The following ATP5F1A variants were observed in gnomAD, a reference collection of about 807,000 sequenced individuals.
The protein encoded by ATP5F1A is ATP synthase F1 subunit alpha.
Under a neutral mutation model 57.4 loss-of-function variants are expected in ATP5F1A, and 24 were observed. The observed-to-expected ratio is 0.42, with a 90% confidence interval of 0.30 to 0.59. The LOEUF (loss-of-function observed/expected upper bound fraction) is 0.59. Among genes scored for constraint, ATP5F1A ranks in the 20% least tolerant of loss-of-function variants. The pLI is 0.19. For synonymous variants in ATP5F1A, 251 were observed against 255.5 expected (o/e 0.98, Z 0.17); for missense variants, 494 against 707.9 (o/e 0.70, Z 3.43).
In ATP5F1A at chr18:46,080,768, T is replaced by A. The variant is rs923326576; in HGVS notation, c.*3514A>T. ...GGCGTAAGCCACTGCGCCTGGGCTA[T>A]CATATTCTTTAAAAATATCACATAT... On this transcript the variant is annotated 3_prime_UTR_variant, in exon 12 of 12. Transcript: ENST00000398752. 9 of 151,928 alleles carry A rather than the reference T, an allele frequency of 5.9e-5. No homozygotes were observed. The highest frequency in any genetic ancestry group is 2.2e-4 in the African/African-American group (9 of 41,380). 9.4% of individuals were successfully genotyped at this position (151,928 alleles called of 1,614,324 possible).
intron 2 of ATP5F1A, chr18:46,094,841 T>G: frequency 1.5e-6 from 1 of 685,884 alleles, no homozygotes; most frequent in Non-Finnish European, 2.0e-6. Context: ...CATACTAATA[T>G]CAAAAGAAAA....
At chr18:46,085,317 A>G (rs1441756424) in intron 10 of ATP5F1A, 1 of 151,274 alleles carries the variant, frequency 6.6e-6, no homozygotes, top group Non-Finnish European at 1.5e-5. Context: ...AAAAAAAAAA[A>G]AAAAAAAGAA....
At chr18:46,090,526 G>A (rs888257164) in intron 3 of ATP5F1A, among the ~76,000 whole-genome samples, 4 of 152,134 alleles carry the variant, frequency 2.6e-5, no homozygotes, top group African/African-American at 9.7e-5. Flanking sequence ...TAACATAACA[G>A]CACCAAATCA....
chr18:46,086,017 G>A (rs753855035), intron 10 of ATP5F1A, 96 bp downstream of exon 10: 3 of 1,325,484 alleles, frequency 2.3e-6, no homozygotes, highest in East Asian at 2.4e-5. Flanking sequence ...ATAACAACAC[G>A]TAGTACAGGC....
Position 46,092,424 on chromosome 18 carries a change from C to T in ATP5F1A, c.140-573G>A, listed in dbSNP as rs1910634554. Among the ~76,000 whole-genome samples, 4 of 150,116 alleles carry T rather than the reference C, an allele frequency of 2.7e-5. No individual in the cohort carries two copies. The South Asian group carries it at 8.5e-4, about 32-fold the overall frequency. ...AGGAGTTCGAGACCAGCCTGGCCAA[C>T]ATTGTGAAACCCCGTCTCCACTAAA... is the stretch of plus-strand genomic sequence containing the variant. On this transcript the variant is annotated intron_variant, in intron 2 of 11. Coordinates refer to ENST00000398752, the MANE Select transcript of ATP5F1A (RefSeq NM_004046.6).
intron 1 of ATP5F1A, among the ~76,000 whole-genome samples, chr18:46,097,478 G>A (rs1028344710): frequency 6.6e-6 from 1 of 152,122 alleles, no homozygotes; most frequent in Non-Finnish European, 1.5e-5. Flanking sequence ...GAAAACTCAA[G>A]GACAAATTCT....
rs1215795066 is a variant in ATP5F1A at position 46,084,752 on chromosome 18, A to G, written c.1430-98T>C. On this transcript the variant is annotated intron_variant, in intron 10 of 11. Transcript: ENST00000398752. Reference sequence around the variant, plus strand: ...ACTTACTTTTTCTCCAATTCCTAACATGTCCCTGTAAATTATCTATTCTTC... The same window carrying G: ...ACTTACTTTTTCTCCAATTCCTAACGTGTCCCTGTAAATTATCTATTCTTC... 1.3e-5 allele frequency: 16 copies of G among 1,261,356 alleles called. No homozygotes were observed. In the East Asian group the frequency reaches 4.2e-4, roughly 33 times the overall value. 78.1% of individuals were successfully genotyped at this position (1,261,356 alleles called of 1,614,324 possible).
At chr18:46,092,309 T>C (rs1196070471) in intron 2 of ATP5F1A, 8 of 150,542 alleles carry the variant, frequency 5.3e-5, no homozygotes, top group African/African-American at 2.0e-4. Context: ...AATCCAAATA[T>C]ATTCTACAGA....
rs746162224 is a variant in ATP5F1A at position 46,098,239 on chromosome 18, G to A, written c.-8C>T. On this transcript the variant is annotated 5_prime_UTR_variant, in exon 1 of 12. Coordinates refer to ENST00000398752, the MANE Select transcript of ATP5F1A (RefSeq NM_004046.6). ...AACGCGCACGGACAGCATCTTTGCA[G>A]TTACTCCGCAGGCGGTACTTCTGCA... The A allele has an allele frequency of 6.2e-7, 1 of 1,604,874 alleles. No homozygotes were observed. Among genetic ancestry groups the A allele is most frequent in the Non-Finnish European group, 8.5e-7 (1 of 1,178,604 alleles).
In ATP5F1A at chr18:46,080,994, G is replaced by A. The variant is rs923263161; in HGVS notation, c.*3288C>T. The stretch of plus-strand genomic sequence containing the variant: ...AAAATACAAAAATTAGCCAGGCATG[G>A]TGGTGCACACCTATAATCACAGCTA... On this transcript the variant is annotated 3_prime_UTR_variant, in exon 12 of 12. Transcript: ENST00000398752. 1.3e-5 allele frequency: 2 copies of A among 151,050 alleles called. No individual in the cohort carries two copies. Among genetic ancestry groups the A allele is most frequent in the Non-Finnish European group, 2.9e-5 (2 of 67,904 alleles). The allele number at this position is 151,050 out of a possible 1,614,324, so 9.4% of individuals were successfully genotyped here.
chr18:46,088,061 G>T, intron 6 of ATP5F1A, 48 bp downstream of exon 6: 1 of 1,569,214 alleles, frequency 6.4e-7, no homozygotes, highest in Non-Finnish European at 8.6e-7. Flanking sequence ...ACAATCAGCA[G>T]CAATGGGACT....
chr18:46,087,671 G>A (rs1910223975), intron 6 of ATP5F1A, 179 bp from the exon 7 acceptor site: 2 of 660,204 alleles, frequency 3.0e-6, no homozygotes, highest in African/African-American at 3.7e-5. Flanking sequence ...CCTGAGGTCA[G>A]GAGTTCGAGA....
intron 1 of ATP5F1A, chr18:46,097,849 G>C: frequency 8.7e-7 from 1 of 1,155,842 alleles, no homozygotes; most frequent in Non-Finnish European, 1.1e-6. Flanking sequence ...TTCAGAACAG[G>C]CCTCGGAGAG....
chr18:46,086,444 G>A lies in ATP5F1A; in HGVS notation c.1227C>T (p.Asn409=), dbSNP rs1910103838. ...CGACACGAGATACAGACAGACCAAC[G>A]TTAATTGCAGGGCGGATACCTTTGT... ...LFYKGIRPAI[N]VGLSVSRVGS... The change falls in exon 9 of 12, where the codon AAC becomes AAT. Residue 409 remains asparagine (N), a synonymous_variant. Coordinates refer to ENST00000398752, the MANE Select transcript of ATP5F1A (RefSeq NM_004046.6). 5 of 1,614,064 alleles carry A rather than the reference G, an allele frequency of 3.1e-6. No individual in the cohort carries two copies. The highest frequency in any genetic ancestry group is 4.2e-6 in the Non-Finnish European group (5 of 1,180,016).
intron 10 of ATP5F1A, chr18:46,085,606 G>T (rs905666067): frequency 6.4e-6 from 1 of 156,144 alleles, no homozygotes; most frequent in Admixed American, 6.2e-5. Flanking sequence ...TCCAGCCTGG[G>T]TGACACTGCA....
rs1910069032 is a variant in ATP5F1A, at chr18:46,086,050, T to C, written c.1429+63A>G. The C allele has an allele frequency of 3.2e-6, 5 of 1,561,568 alleles. No individual in the cohort carries two copies. In the South Asian group the frequency reaches 4.8e-5, roughly 15 times the overall value. On this transcript the variant is annotated intron_variant, in intron 10 of 11. Coordinates refer to ENST00000398752, the MANE Select transcript of ATP5F1A (RefSeq NM_004046.6). ...GGCCGTGATATGTGATGCAGCTCTG[T>C]AGGCCTGGGAAGACCCTGATACACA...
upstream of ATP5F1A, among the ~76,000 whole-genome samples, chr18:46,099,894 A>G (rs1368945663): frequency 6.6e-6 from 1 of 151,902 alleles, no homozygotes; most frequent in Non-Finnish European, 1.5e-5. Context: ...CTAGTATCCT[A>G]CTCTTTTCAA....
chr18:46,084,091 C>T lies in ATP5F1A; in HGVS notation c.*191G>A, dbSNP rs546214218. 6.1e-6 allele frequency: 3 copies of T among 493,692 alleles called. No individual in the cohort carries two copies. The highest frequency in any genetic ancestry group is 1.0e-5 in the Non-Finnish European group (3 of 285,934). 30.6% of individuals were successfully genotyped at this position (493,692 alleles called of 1,614,324 possible). ...AAATAGATCAAGAAGCATTTGCTTA[C>T]CAATTTCTCAATTTGATCTTGGTTT... On this transcript the variant is annotated 3_prime_UTR_variant, in exon 12 of 12. Coordinates refer to ENST00000398752, the MANE Select transcript of ATP5F1A (RefSeq NM_004046.6).
In ATP5F1A at chr18:46,091,850, C is replaced by G; in HGVS notation, c.141G>C (p.Gly47=). ...HASNTHLQKT[G]TAEMSSILEE... The stretch of plus-strand genomic sequence containing the variant: ...CAAGAATAGAGGACATCTCAGCAGT[C>G]CCTATGGAAGACAATTCAATTCAAT... The change falls in exon 3 of 12, where the codon GGG becomes GGC. Residue 47 remains glycine, a splice_region_variant and synonymous_variant. Transcript: ENST00000398752. 63 of 1,609,038 alleles carry G rather than the reference C, an allele frequency of 3.9e-5. No individual in the cohort carries two copies. Among genetic ancestry groups the G allele is most frequent in the Non-Finnish European group, 5.3e-5 (62 of 1,178,782 alleles).
Sources: allele counts gnomAD v4.1 joint callset (sites outside exome capture counted in the v4.1 genomes callset), GRCh38; gene constraint gnomAD v4.1.1; transcripts MANE v1.5; gene names NCBI Gene and HGNC (gene_info 2026-07-23, HGNC 2026-07-21).